ENOX2: variants seen among roughly 807,000 people sequenced by gnomAD.
ENOX2 encodes APK1 antigen.
In ENOX2, 36 loss-of-function variants were observed where a neutral mutation model predicts 45.0. The observed-to-expected ratio is 0.80, with a 90% CI of 0.61 to 1.06. The LOEUF (loss-of-function observed/expected upper bound fraction) is 1.06. ENOX2 is among the 50% of genes least tolerant of loss of function. The pLI, the probability that ENOX2 is intolerant of heterozygous loss-of-function variation, is 0.00. For synonymous variants in ENOX2, 174 were observed against 152.3 expected (o/e 1.14, Z -1.05); for missense variants, 423 against 462.5 (o/e 0.91, Z 0.78).
intron 9 of ENOX2, among the ~76,000 whole-genome samples, chrX:130,663,727 A>G (rs1026328363): frequency 9.0e-6 from 1 of 110,661 alleles, no homozygotes; most frequent in African/African-American, 3.3e-5. Context: ...CTTAATGCCT[A>G]TTCTGCTTTT....
Position 130,700,408 on chromosome X carries a change from A to C in ENOX2, c.97+2712T>G, listed in dbSNP as rs2037869128. Among the ~76,000 whole-genome samples the C allele has an allele frequency of 2.7e-5, 3 of 112,227 alleles. 1 individual carries two copies. The South Asian group carries it at 1.1e-3, about 42-fold the overall frequency. On this transcript the variant is annotated intron_variant, in intron 4 of 14. Coordinates refer to ENST00000394363, the MANE Select transcript of ENOX2 (RefSeq NM_006375.4). ...GCAGCAGAATCACTGAATTACATAC[A>C]GGTCAAAGAGAAACCATTTCTTTAC... is the stretch of plus-strand genomic sequence containing the variant.
At chrX:130,893,265 T>C (rs2079010276) in intron 2 of ENOX2, among the ~76,000 whole-genome samples, 1 of 112,109 alleles carries the variant, frequency 8.9e-6, no homozygotes, top group Non-Finnish European at 1.9e-5. Flanking sequence ...AGTGTCTCAG[T>C]TGCCATTTTC....
At chrX:130,646,351 G>C in intron 10 of ENOX2, 2 of 244,036 alleles carry the variant, frequency 8.2e-6, no homozygotes, top group Non-Finnish European at 1.5e-5. Flanking sequence ...ACTTACTCCA[G>C]CCTGGGTGAG....
At chrX:130,683,492 G>GA (rs1214521750) in intron 5 of ENOX2, among the ~76,000 whole-genome samples, 1 of 111,762 alleles carries the variant, frequency 8.9e-6, no homozygotes, top group Non-Finnish European at 1.9e-5. Context: ...ATGGTAAAAT[G>GA]AAAACATTGT....
intron 5 of ENOX2, among the ~76,000 whole-genome samples, chrX:130,683,447 A>G (rs2037362686): frequency 8.9e-6 from 1 of 112,252 alleles, no homozygotes; most frequent in African/African-American, 3.2e-5. Context: ...AACTCTCTTT[A>G]TAGCATTCAG....
intron 2 of ENOX2, among the ~76,000 whole-genome samples, chrX:130,862,433 T>C (rs1017537748): frequency 1.2e-4 from 13 of 111,473 alleles, no homozygotes; most frequent in African/African-American, 4.2e-4. Flanking sequence ...GCAACCTTTT[T>C]TCCCACCAAT....
At chrX:130,625,575 T>C (rs1369786113) in intron 14 of ENOX2, 130 bp from the exon 15 acceptor site, 6 of 611,936 alleles carry the variant, frequency 9.8e-6, no homozygotes, top group Non-Finnish European at 1.2e-5. Flanking sequence ...CTCCTCCTGC[T>C]CCTTGCGCAT....
At chrX:130,752,899 A>C (rs76789898) in intron 3 of ENOX2, among the ~76,000 whole-genome samples, 1 of 109,460 alleles carries the variant, frequency 9.1e-6, no homozygotes, top group East Asian at 2.9e-4. Flanking sequence ...CTGGCTCTGT[A>C]TGTATCTCCC....
In ENOX2 at chrX:130,628,141, A is replaced by T. The variant is rs2035599734; in HGVS notation, c.1529-98T>A. On this transcript the variant is annotated intron_variant, in intron 13 of 14. Transcript: ENST00000394363. Reference sequence around the variant, plus strand: ...AAGAGCTGACTCATATGTACAACAGAAATATACTGGACACTATTCTAAGTT... The same window carrying T: ...AAGAGCTGACTCATATGTACAACAGTAATATACTGGACACTATTCTAAGTT... 9.0e-6 allele frequency: 5 copies of T among 557,606 alleles called. No homozygotes were observed. In the Admixed American group the frequency reaches 1.2e-4, roughly 13 times the overall value. 46.0% of individuals were successfully genotyped at this position (557,606 alleles called of 1,213,427 possible). A position where few individuals can be genotyped will look rare whatever the true frequency, so the allele number is the denominator to read the frequency against.
chrX:130,836,381 T>G (rs2077926978), intron 2 of ENOX2, among the ~76,000 whole-genome samples: 1 of 110,619 alleles, frequency 9.0e-6, no homozygotes, highest in Admixed American at 9.6e-5. Context: ...GCAAGACACA[T>G]GGAATCACAA....
At chrX:130,682,017 C>G (rs1030653666) in intron 5 of ENOX2, among the ~76,000 whole-genome samples, 1 of 90,224 alleles carries the variant, frequency 1.1e-5, no homozygotes, top group African/African-American at 5.1e-5. Flanking sequence ...GGAACACAAC[C>G]CCCCCCCCCA....
chrX:130,844,363 T>C (rs1320218221), intron 2 of ENOX2, among the ~76,000 whole-genome samples: 3 of 111,185 alleles, frequency 2.7e-5, no homozygotes, highest in Non-Finnish European at 5.7e-5. Flanking sequence ...TAAAGGCCAC[T>C]ATATTTTGTG....
chrX:130,762,631 GTGT>G (rs1429209147), intron 3 of ENOX2, among the ~76,000 whole-genome samples: 1 of 111,936 alleles, frequency 8.9e-6, no homozygotes, highest in East Asian at 2.8e-4. Context: ...ATCTAGCAGT[GTGT>G]TGTTTAGTTT....
At chrX:130,679,487 T>C (rs760866368) in intron 6 of ENOX2, 55 bp downstream of exon 6, 3 of 994,714 alleles carry the variant, frequency 3.0e-6, no homozygotes, top group Non-Finnish European at 4.3e-6. Context: ...AATAGTTCTA[T>C]CTTTAATATC....
At chrX:130,807,695 T>C (rs948130566) in intron 2 of ENOX2, among the ~76,000 whole-genome samples, 4 of 111,607 alleles carry the variant, frequency 3.6e-5, no homozygotes, top group Admixed American at 9.5e-5. Context: ...CTTGAAAATA[T>C]AGGATTCCCT....
At chrX:130,702,435 G>A (rs1420608907) in intron 4 of ENOX2, among the ~76,000 whole-genome samples, 2 of 111,386 alleles carry the variant, frequency 1.8e-5, no homozygotes, top group African/African-American at 6.5e-5. Flanking sequence ...TGTTTAGGCT[G>A]TTTAAAAAGC....
At chrX:130,860,528 C>T (rs983950282) in intron 2 of ENOX2, among the ~76,000 whole-genome samples, 1 of 111,546 alleles carries the variant, frequency 9.0e-6, no homozygotes, top group East Asian at 2.8e-4. Flanking sequence ...ACCTACAGTC[C>T]TTCCCATCTC....
intron 9 of ENOX2, among the ~76,000 whole-genome samples, chrX:130,659,183 T>A (rs191554625): frequency 6.2e-5 from 7 of 112,317 alleles, no homozygotes; most frequent in South Asian, 3.7e-4. Context: ...TATATGTGTT[T>A]CAAATGGATT....
intron 3 of ENOX2, among the ~76,000 whole-genome samples, chrX:130,750,085 C>T (rs2039182683): frequency 9.0e-6 from 1 of 110,789 alleles, no homozygotes; most frequent in Non-Finnish European, 1.9e-5. Flanking sequence ...CTCTGTCTGT[C>T]TATCTGTCTC....
Sources: allele counts gnomAD v4.1 joint callset (sites outside exome capture counted in the v4.1 genomes callset), GRCh38; gene constraint gnomAD v4.1.1; transcripts MANE v1.5; gene names NCBI Gene and HGNC (gene_info 2026-07-23, HGNC 2026-07-21).